PPP1R13B: variants seen among roughly 807,000 people sequenced by gnomAD.
PPP1R13B encodes the protein apoptosis-stimulating of p53 protein 1.
A neutral mutation model predicts 119.8 loss-of-function variants in PPP1R13B; 44 were observed. The ratio of observed to expected loss-of-function variants is 0.37; its 90% confidence interval spans 0.29 to 0.47. The LOEUF (loss-of-function observed/expected upper bound fraction) is 0.47. Ranked by LOEUF, PPP1R13B falls within the 20% of genes least tolerant of loss-of-function variation. PPP1R13B has a pLI of 0.99. For missense variants in PPP1R13B, 1,227 were observed against 1,413.5 expected (o/e 0.87, Z 2.12); for synonymous variants, 542 against 561.5 (o/e 0.97, Z 0.49).
At chr14:103,840,323 A>G (rs557896109) in intron 1 of PPP1R13B, among the ~76,000 whole-genome samples, 62 of 152,260 alleles carry the variant, frequency 4.1e-4, no homozygotes, top group Non-Finnish European at 7.3e-4. Context: ...CCAGTTATAT[A>G]ACTTCAATAC....
intron 3 of PPP1R13B, among the ~76,000 whole-genome samples, chr14:103,783,846 C>T (rs1368327923): frequency 6.6e-6 from 1 of 152,204 alleles, no homozygotes; most frequent in African/African-American, 2.4e-5. Context: ...CCACTGCACC[C>T]AGGCTTTGTT....
rs897543224 is a variant in PPP1R13B, at chr14:103,733,843, C to T, written c.*1311G>A. ...ATGCTCCTGTGGTCGGGCTGCTCTA[C>T]AAGGGCGTTCACTTTTCTTCACCAC... On this transcript the variant is annotated 3_prime_UTR_variant, in exon 17 of 17. Coordinates refer to ENST00000202556, the MANE Select transcript of PPP1R13B (RefSeq NM_015316.3). 1.3e-5 allele frequency: 2 copies of T among 152,494 alleles called. No individual in the cohort carries two copies. The highest frequency in any genetic ancestry group is 2.9e-5 in the Non-Finnish European group (2 of 68,294). 9.4% of individuals were successfully genotyped at this position (152,494 alleles called of 1,614,324 possible).
In PPP1R13B at chr14:103,797,397, T is replaced by C; in HGVS notation, c.131A>G (p.His44Arg). 1 of 1,614,124 alleles carries C rather than the reference T, an allele frequency of 6.2e-7. No individual in the cohort carries two copies. The highest frequency in any genetic ancestry group is 8.5e-7 in the Non-Finnish European group (1 of 1,180,008). The change falls in exon 2 of 17, where the codon CAT becomes CGT. Residue 44 changes from histidine to arginine, a missense_variant. By Grantham distance (29) the His-to-Arg change is conservative (BLOSUM62 0). Transcript: ENST00000202556. ...FCKEPGEGSC[H>R]LAEVWRGNER... ...ATTTCCCCTCCACACTTCAGCTAAA[T>C]GGCAGCTGCCTTCTCCAGGTTCCTT...
chr14:103,785,069 TGA>T (rs1392236889), intron 2 of PPP1R13B, among the ~76,000 whole-genome samples, 155 bp from the exon 3 acceptor site: 34 of 152,278 alleles, frequency 2.2e-4, no homozygotes, highest in African/African-American at 8.2e-4. Flanking sequence ...TCAACATTAC[TGA>T]GTAAAAGCAA....
chr14:103,754,680 G>T (rs763347738), intron 5 of PPP1R13B, among the ~76,000 whole-genome samples: 12 of 151,790 alleles, frequency 7.9e-5, no homozygotes, highest in Non-Finnish European at 1.5e-4. Flanking sequence ...AACACTAGAG[G>T]AATCTTATAT....
In PPP1R13B at chr14:103,757,763, G is replaced by A; in HGVS notation, c.355-12C>T. ...CGTGGATTCCCAACCTAAACAAAAA[G>A]CACTTATTTTGGAACATAAGTTTAT... On this transcript the variant is annotated splice_polypyrimidine_tract_variant and intron_variant, in intron 4 of 16. Coordinates refer to ENST00000202556, the MANE Select transcript of PPP1R13B (RefSeq NM_015316.3). 1.9e-6 allele frequency: 3 copies of A among 1,607,466 alleles called. No homozygotes were observed. Among genetic ancestry groups the A allele is most frequent in the Non-Finnish European group, 2.6e-6 (3 of 1,174,706 alleles).
chr14:103,734,347 G>A lies in PPP1R13B; in HGVS notation c.*807C>T, dbSNP rs1238519508. 2.7e-5 allele frequency: 10 copies of A among 368,932 alleles called. No individual in the cohort carries two copies. The highest frequency in any genetic ancestry group is 6.3e-5 in the Admixed American group (2 of 31,658). 22.9% of individuals were successfully genotyped at this position (368,932 alleles called of 1,614,324 possible). On this transcript the variant is annotated 3_prime_UTR_variant, in exon 17 of 17. Coordinates refer to ENST00000202556, the MANE Select transcript of PPP1R13B (RefSeq NM_015316.3). Reference sequence around the variant, plus strand: ...CCAGCCCCAACCCCAACCACCCTCCGCTGCCACGGCCTCCAGCACCTGACT... The same window carrying A: ...CCAGCCCCAACCCCAACCACCCTCCACTGCCACGGCCTCCAGCACCTGACT...
chr14:103,845,639 A>G (rs2087011370), intron 1 of PPP1R13B, among the ~76,000 whole-genome samples: 1 of 152,208 alleles, frequency 6.6e-6, no homozygotes, highest in Non-Finnish European at 1.5e-5. Flanking sequence ...ATGTAAGCCA[A>G]GTTTCTTAGC....
intron 4 of PPP1R13B, among the ~76,000 whole-genome samples, chr14:103,772,607 G>A (rs936968662): frequency 1.3e-5 from 2 of 151,588 alleles, no homozygotes; most frequent in Non-Finnish European, 2.9e-5. Flanking sequence ...ACCTTTCCAT[G>A]TGCTTACTTG....
chr14:103,847,522 G>A lies in PPP1R13B; in HGVS notation c.-215C>T. ...GCGTCGCTGTCCCGGGCACCCGGCCGCCGCCGCCGCCGCCTCAACCTCAGC... is the reference window on the plus strand; with the variant it reads ...GCGTCGCTGTCCCGGGCACCCGGCCACCGCCGCCGCCGCCTCAACCTCAGC... On this transcript the variant is annotated 5_prime_UTR_variant, in exon 1 of 17. Coordinates refer to ENST00000202556, the MANE Select transcript of PPP1R13B (RefSeq NM_015316.3). 1 of 984,182 alleles carries A rather than the reference G, an allele frequency of 1.0e-6. No homozygotes were observed. Among genetic ancestry groups the A allele is most frequent in the African/African-American group, 1.8e-5 (1 of 56,744 alleles). 61.0% of individuals were successfully genotyped at this position (984,182 alleles called of 1,614,324 possible).
At position 103,826,145 on chromosome 14, in the gene PPP1R13B, G is replaced by A. The variant is rs538226862; in HGVS notation, c.9+21154C>T. On this transcript the variant is annotated intron_variant, in intron 1 of 16. Coordinates refer to ENST00000202556, the MANE Select transcript of PPP1R13B (RefSeq NM_015316.3). ...ACCTGCCTTGGCCTCCCAAAGTGTT[G>A]GGATTACAGCTGCGAGCCACCACAC... Among the ~76,000 whole-genome samples, 51 of 152,170 alleles carry A rather than the reference G, an allele frequency of 3.4e-4. No individual in the cohort carries two copies. In the South Asian group the frequency reaches 3.7e-3, roughly 11 times the overall value.
intron 3 of PPP1R13B, among the ~76,000 whole-genome samples, chr14:103,779,158 T>C (rs1426204576): frequency 2.1e-5 from 3 of 143,284 alleles, no homozygotes; most frequent in Non-Finnish European, 1.5e-5. Context: ...GGTATGGTGG[T>C]GCACCCTGTA....
intron 1 of PPP1R13B, among the ~76,000 whole-genome samples, chr14:103,801,630 C>A (rs1362060780): frequency 6.6e-6 from 1 of 152,146 alleles, no homozygotes; most frequent in African/African-American, 2.4e-5. Context: ...ATCTCTATTG[C>A]ATCACCTCAA....
chr14:103,839,627 C>CAAAAAAAAAAAA, intron 1 of PPP1R13B, among the ~76,000 whole-genome samples: 1 of 135,080 alleles, frequency 7.4e-6, no homozygotes, highest in Non-Finnish European at 1.6e-5. Context: ...AACTCTGCCT[C>CAAAAAAAAAAAA]AAAAAAAAAA....
chr14:103,735,475 AGG>A (rs2084081221), intron 16 of PPP1R13B, among the ~76,000 whole-genome samples: 1 of 152,144 alleles, frequency 6.6e-6, no homozygotes. Flanking sequence ...CCCCTGGGCA[AGG>A]GTCTCTGCCT....
chr14:103,757,506 AAGAG>A (rs1442426630), intron 5 of PPP1R13B, 140 bp downstream of exon 5: 26 of 693,006 alleles, frequency 3.8e-5, no homozygotes, highest in Middle Eastern at 4.3e-4. Flanking sequence ...AGTGATAACA[AAGAG>A]AGAAAGACTG....
At chr14:103,771,941 T>TC (rs1431928748) in intron 4 of PPP1R13B, among the ~76,000 whole-genome samples, 1 of 152,184 alleles carries the variant, frequency 6.6e-6, no homozygotes, top group Non-Finnish European at 1.5e-5. Flanking sequence ...ATCCATCCTC[T>TC]CCCCAAATTT....
intron 9 of PPP1R13B, chr14:103,743,901 C>T (rs2084321311): frequency 2.0e-5 from 3 of 152,322 alleles, no homozygotes; most frequent in Admixed American, 1.3e-4. Context: ...CCGATGCAGC[C>T]GCACCGCAAC....
At chr14:103,743,529 G>A (rs945235935) in intron 9 of PPP1R13B, among the ~76,000 whole-genome samples, 12 of 152,206 alleles carry the variant, frequency 7.9e-5, no homozygotes, top group Admixed American at 2.0e-4. Context: ...CACAGTGGCC[G>A]AAAGTCCATT....
Sources: gnomAD v4.1 joint callset for allele counts (sites outside exome capture counted in the v4.1 genomes callset) on GRCh38, gnomAD v4.1.1 for gene constraint, MANE v1.5 for transcripts, NCBI Gene and HGNC (gene_info 2026-07-23, HGNC 2026-07-21) for gene names.